PCDH15: variants seen among roughly 807,000 people sequenced by gnomAD.
PCDH15 encodes the protein protocadherin related 15.
In PCDH15, 129 loss-of-function variants were observed where a neutral mutation model predicts 178.5. The observed-to-expected ratio is 0.72, with a 90% CI of 0.63 to 0.84. The LOEUF (loss-of-function observed/expected upper bound fraction) is 0.84. Among genes scored for constraint, PCDH15 ranks in the 40% least tolerant of loss-of-function variants. The probability of loss-of-function intolerance (pLI) is 0.00; values close to 1 mark genes in which losing one functional copy is unlikely to be tolerated. For missense variants in PCDH15, 2,230 were observed against 2,099.9 expected, an observed-to-expected ratio of 1.06 and a Z score of -1.21; for synonymous variants, 800 against 732.0, an observed-to-expected ratio of 1.09 and a Z score of -1.50.
intron 2 of PCDH15, among the ~76,000 whole-genome samples, chr10:55,607,172 G>T (rs1166194671): frequency 2.7e-5 from 4 of 150,694 alleles, no homozygotes; most frequent in Non-Finnish European, 4.5e-5. Flanking sequence ...GGCCATCAGA[G>T]AAATGCAAAT....
intron 1 of PCDH15, among the ~76,000 whole-genome samples, chr10:54,729,489 C>T (rs1002340168): frequency 1.3e-5 from 2 of 151,242 alleles, no homozygotes; most frequent in Non-Finnish European, 3.0e-5. Flanking sequence ...AGACATTGTC[C>T]CTGGCAAGGA....
At chr10:55,196,191 C>T (rs893561955) in intron 1 of PCDH15, among the ~76,000 whole-genome samples, 6 of 151,998 alleles carry the variant, frequency 3.9e-5, no homozygotes, top group South Asian at 2.1e-4. Context: ...TTGCCTATTA[C>T]GACCTCCTAC....
chr10:55,041,207 C>G (rs1169746847), intron 2 of PCDH15, among the ~76,000 whole-genome samples: 2 of 152,068 alleles, frequency 1.3e-5, no homozygotes, highest in African/African-American at 2.4e-5. Context: ...AACATGTATT[C>G]TCACCATCTT....
chr10:54,581,036 G>A (rs528584460), intron 2 of PCDH15, among the ~76,000 whole-genome samples: 6 of 152,110 alleles, frequency 3.9e-5, no homozygotes, highest in Non-Finnish European at 7.4e-5. Flanking sequence ...TTGAGAACTG[G>A]AACAAAGCAA....
chr10:54,316,351 C>G (rs2061266451), intron 8 of PCDH15, among the ~76,000 whole-genome samples: 1 of 152,062 alleles, frequency 6.6e-6, no homozygotes, highest in Non-Finnish European at 1.5e-5. Context: ...AGAGGACCCT[C>G]AGAACTTCAG....
intron 2 of PCDH15, among the ~76,000 whole-genome samples, chr10:55,009,239 T>A (rs1839998032): frequency 7.2e-6 from 1 of 138,804 alleles, no homozygotes; most frequent in Non-Finnish European, 1.6e-5. Context: ...TTGTTTTAAT[T>A]GCACGCACAG....
intron 1 of PCDH15, among the ~76,000 whole-genome samples, chr10:54,755,054 T>C (rs922001626): frequency 6.6e-6 from 1 of 150,610 alleles, no homozygotes; most frequent in African/African-American, 2.4e-5. Flanking sequence ...GTTCAAGCGA[T>C]TCTCCTGCCT....
At chr10:54,461,114 C>G (rs2077138902) in intron 3 of PCDH15, among the ~76,000 whole-genome samples, 1 of 151,854 alleles carries the variant, frequency 6.6e-6, no homozygotes, top group Non-Finnish European at 1.5e-5. Flanking sequence ...CTCGACTATG[C>G]AATTCAGAAG....
chr10:54,518,883 C>T (rs1453349988), intron 3 of PCDH15, among the ~76,000 whole-genome samples: 2 of 152,142 alleles, frequency 1.3e-5, no homozygotes, highest in African/African-American at 2.4e-5. Context: ...GGGCTTCATC[C>T]CTGGGATGCA....
intron 25 of PCDH15, among the ~76,000 whole-genome samples, chr10:53,926,884 T>C (rs529264795): frequency 6.6e-6 from 1 of 152,228 alleles, no homozygotes; most frequent in Admixed American, 6.5e-5. Flanking sequence ...TCCACCAGGA[T>C]AGAAACTTCT....
At chr10:53,884,868 G>A (rs2080979709) in intron 26 of PCDH15, among the ~76,000 whole-genome samples, 1 of 151,992 alleles carries the variant, frequency 6.6e-6, no homozygotes, top group Non-Finnish European at 1.5e-5. Flanking sequence ...CATTCTCATT[G>A]TATTATTTTT....
intron 8 of PCDH15, among the ~76,000 whole-genome samples, chr10:54,298,255 G>A (rs999390037): frequency 1.3e-4 from 20 of 152,076 alleles, no homozygotes; most frequent in Non-Finnish European, 5.9e-5. Context: ...TTTATTACCC[G>A]ATCAGCCACA....
chr10:54,242,124 CTATTTTTATATATATATATATATATA>C (rs1453892055), intron 8 of PCDH15, among the ~76,000 whole-genome samples: 54 of 62,262 alleles, frequency 8.7e-4, no homozygotes, highest in African/African-American at 3.2e-3. Flanking sequence ...GGTCTGAATT[CTATTTTTATATATATATATATATATA>C]TATATATATA....
intron 3 of PCDH15, among the ~76,000 whole-genome samples, chr10:54,874,732 A>G (rs113091598): frequency 5.3e-5 from 8 of 152,352 alleles, no homozygotes; most frequent in African/African-American, 1.7e-4. Context: ...AGATAAAATC[A>G]TTATATAATA....
At chr10:53,912,973 C>T (rs2083227872) in intron 25 of PCDH15, among the ~76,000 whole-genome samples, 1 of 152,086 alleles carries the variant, frequency 6.6e-6, no homozygotes, top group South Asian at 2.1e-4. Context: ...AAAAAGAGCC[C>T]ACATATCCCA....
chr10:53,922,091 C>G (rs2133885578), intron 25 of PCDH15, among the ~76,000 whole-genome samples: 1 of 151,986 alleles, frequency 6.6e-6, no homozygotes, highest in Admixed American at 6.5e-5. Context: ...ATCCGGTTGT[C>G]AATCAAGGTA....
In PCDH15 at chr10:54,035,570, G is replaced by A. The variant is rs1176155562; in HGVS notation, c.2221-12373C>T. ...TTTGACACATGGTCCAAGATGAGAT[G>A]GTGTATGTGTTCTGATTTCTCCACC... On this transcript the variant is annotated intron_variant, in intron 18 of 37. Transcript: ENST00000644397. Among the ~76,000 whole-genome samples the A allele has an allele frequency of 3.3e-5, 5 of 151,836 alleles. No individual in the cohort carries two copies. In the East Asian group the frequency reaches 7.8e-4, roughly 24 times the overall value.
chr10:54,001,003 G>A (rs1218600213), intron 20 of PCDH15, among the ~76,000 whole-genome samples: 2 of 152,132 alleles, frequency 1.3e-5, no homozygotes, highest in African/African-American at 4.8e-5. Context: ...ACATTTAGCA[G>A]AAACCTTACA....
In PCDH15 at chr10:54,772,545, CA is replaced by C. The variant is rs769686451; in HGVS notation, c.-29+28379del. On this transcript the variant is annotated intron_variant, in intron 1 of 37. Transcript: ENST00000644397. ...AACATCACTGATCATTAGATAAATG[CA>C]AATCAAAACCACAATGAGATAACAT... 3.9e-5 allele frequency among the ~76,000 whole-genome samples: 6 copies of C among 152,072 alleles called. No homozygotes were observed. The South Asian group carries it at 8.3e-4, about 21-fold the overall frequency.
Sources: gnomAD v4.1 joint callset for allele counts (sites outside exome capture counted in the v4.1 genomes callset) on GRCh38, gnomAD v4.1.1 for gene constraint, MANE v1.5 for transcripts, NCBI Gene and HGNC (gene_info 2026-07-23, HGNC 2026-07-21) for gene names.